The following ANKRD33B variants were observed in gnomAD, a reference collection of about 807,000 sequenced individuals.
ANKRD33B encodes the protein ankyrin repeat domain-containing protein 33B.
ANKRD33B carries 6 observed loss-of-function variants against 21.5 expected under a neutral mutation model. The ratio of observed to expected loss-of-function variants is 0.28; its 90% CI spans 0.15 to 0.55. ANKRD33B has a LOEUF of 0.55. Among genes scored for constraint, ANKRD33B ranks in the 20% least tolerant of loss-of-function variants. The probability of loss-of-function intolerance (pLI) is 0.94; values close to 1 mark genes in which losing one functional copy is unlikely to be tolerated. For synonymous variants in ANKRD33B, 347 were observed against 342.4 expected, an observed-to-expected ratio of 1.01 and a Z score of -0.15; for missense variants, 698 against 747.2, an observed-to-expected ratio of 0.93 and a Z score of 0.77.
chr5:10,636,693 G>A (rs1181943997), intron 2 of ANKRD33B, among the ~76,000 whole-genome samples: 1 of 152,212 alleles, frequency 6.6e-6, no homozygotes, highest in Non-Finnish European at 1.5e-5. Context: ...CGGGCAGATT[G>A]CTCATATTCC....
chr5:10,656,008 G>A lies in ANKRD33B; in HGVS notation c.*5895G>A, dbSNP rs1316341257. 1.3e-5 allele frequency: 2 copies of A among 152,214 alleles called. No homozygotes were observed. Among genetic ancestry groups the A allele is most frequent in the African/African-American group, 4.8e-5 (2 of 41,412 alleles). 9.4% of individuals were successfully genotyped at this position (152,214 alleles called of 1,614,324 possible). A position where few individuals can be genotyped will look rare whatever the true frequency, so the allele number is the denominator to read the frequency against. On this transcript the variant is annotated 3_prime_UTR_variant, in exon 4 of 4. Coordinates refer to ENST00000296657, the MANE Select transcript of ANKRD33B (RefSeq NM_001164440.2). ...CAGTGGGATGAATGCCATTGCAGCG[G>A]TCATGCTGGGAGCTGCCGAGAGCTT...
chr5:10,618,662 A>G (rs984885658), intron 2 of ANKRD33B, among the ~76,000 whole-genome samples, 200 bp downstream of exon 2: 1 of 152,216 alleles, frequency 6.6e-6, no homozygotes, highest in Non-Finnish European at 1.5e-5. Context: ...GTATGGGCAG[A>G]TCAAGCTCCG....
At chr5:10,601,759 A>G (rs889991508) in intron 1 of ANKRD33B, among the ~76,000 whole-genome samples, 2 of 152,212 alleles carry the variant, frequency 1.3e-5, no homozygotes, top group African/African-American at 4.8e-5. Flanking sequence ...AGTCACACAC[A>G]TTTTAAGTGT....
intron 3 of ANKRD33B, among the ~76,000 whole-genome samples, chr5:10,642,889 T>C (rs1053300939): frequency 2.0e-5 from 3 of 152,060 alleles, no homozygotes; most frequent in African/African-American, 7.2e-5. Context: ...GTTCTGTTTT[T>C]GTTTGTTTGT....
chr5:10,590,188 C>T (rs1449443307), intron 1 of ANKRD33B, among the ~76,000 whole-genome samples: 2 of 152,100 alleles, frequency 1.3e-5, no homozygotes, highest in Non-Finnish European at 2.9e-5. Context: ...ATTTCTGGAT[C>T]TTCTGGGGAT....
intron 1 of ANKRD33B, among the ~76,000 whole-genome samples, chr5:10,610,401 G>GC (rs200203509): frequency 0.036 from 5,334 of 146,324 alleles, 122 homozygotes; most frequent in Admixed American, 0.055. Context: ...ACAGGGGACA[G>GC]CCCCCCCCCC....
chr5:10,598,481 G>T (rs1195519700), intron 1 of ANKRD33B, among the ~76,000 whole-genome samples: 1 of 152,136 alleles, frequency 6.6e-6, no homozygotes, highest in Non-Finnish European at 1.5e-5. Flanking sequence ...TAGCCAGCCT[G>T]GTCTCGAACA....
chr5:10,580,787 G>C (rs917377216), intron 1 of ANKRD33B, among the ~76,000 whole-genome samples: 19 of 152,066 alleles, frequency 1.2e-4, no homozygotes, highest in Admixed American at 7.9e-4. Context: ...CTTGCCCCTG[G>C]ACCAGGTCTT....
intron 3 of ANKRD33B, among the ~76,000 whole-genome samples, chr5:10,643,765 A>AGC (rs895006131): frequency 2.0e-5 from 3 of 147,018 alleles, no homozygotes; most frequent in African/African-American, 7.5e-5. Flanking sequence ...GGTTGCAGTG[A>AGC]GCCGATATCA....
At position 10,619,596 on chromosome 5, in the gene ANKRD33B, A is replaced by T. The variant is rs1327324212; in HGVS notation, c.496+1134A>T. On this transcript the variant is annotated intron_variant, in intron 2 of 3. Transcript: ENST00000296657. This position sits in a 1 kb window ranked among gnomAD's most constrained non-coding sequence, Gnocchi z 4.5. The stretch of plus-strand genomic sequence containing the variant: ...TCAATCAAGACGAATAGAGTGGGGG[A>T]ACTCTTCAAACTTAGAAAGGGCCAG... Among the ~76,000 whole-genome samples the T allele has an allele frequency of 6.6e-6, 1 of 152,064 alleles. No individual in the cohort carries two copies. The highest frequency in any genetic ancestry group is 1.9e-4 in the East Asian group (1 of 5,182).
intron 2 of ANKRD33B, among the ~76,000 whole-genome samples, chr5:10,636,572 G>A (rs1180486848): frequency 2.6e-5 from 4 of 152,176 alleles, no homozygotes; most frequent in South Asian, 2.1e-4. Flanking sequence ...AGCTATGATC[G>A]TGCTCCTGCA....
At chr5:10,598,168 C>G (rs1735855659) in intron 1 of ANKRD33B, among the ~76,000 whole-genome samples, 2 of 152,208 alleles carry the variant, frequency 1.3e-5, no homozygotes, top group South Asian at 2.1e-4. Flanking sequence ...TCATCTCTAC[C>G]TAGTGACTCC....
At chr5:10,616,759 G>A (rs930240526) in intron 1 of ANKRD33B, among the ~76,000 whole-genome samples, 2 of 151,170 alleles carry the variant, frequency 1.3e-5, no homozygotes, top group Non-Finnish European at 3.0e-5. Context: ...GAGGCGGTGA[G>A]CCTCACACCT....
chr5:10,607,510 T>C (rs980389376), intron 1 of ANKRD33B, among the ~76,000 whole-genome samples: 3 of 152,178 alleles, frequency 2.0e-5, no homozygotes, highest in Admixed American at 6.5e-5. Context: ...GGAAATGCAA[T>C]TTTACCAAGA....
intron 1 of ANKRD33B, among the ~76,000 whole-genome samples, chr5:10,588,792 A>T (rs1252130675): frequency 3.9e-5 from 6 of 152,260 alleles, no homozygotes; most frequent in African/African-American, 1.4e-4. Context: ...TGGCATGAGC[A>T]GGAAGCAGAC....
intron 1 of ANKRD33B, among the ~76,000 whole-genome samples, chr5:10,570,466 C>T (rs1481540602): frequency 6.6e-6 from 1 of 152,164 alleles, no homozygotes; most frequent in African/African-American, 2.4e-5. Context: ...GGCAGGGTTC[C>T]AGGAGAGCAG....
chr5:10,644,878 T>G (rs1737158149), intron 3 of ANKRD33B, among the ~76,000 whole-genome samples: 1 of 151,430 alleles, frequency 6.6e-6, no homozygotes, highest in African/African-American at 2.4e-5. Flanking sequence ...GGAAGTGGAG[T>G]GAGGGGGCAG....
rs1183393812 is a variant in ANKRD33B at position 10,564,648 on chromosome 5, T to G, written c.181T>G (p.Phe61Val). 1 of 1,534,886 alleles carries G rather than the reference T, an allele frequency of 6.5e-7. No homozygotes were observed. The highest frequency in any genetic ancestry group is 2.4e-5 in the East Asian group (1 of 40,894). ...SIASDDSFYP[F>V]EDEEEHGVES... ...CGCCTCGGACGACTCTTTCTACCCT[T>G]TCGAGGACGAGGAGGAGCACGGCGT... The change falls in exon 1 of 4, where the codon TTC becomes GTC. Residue 61 changes from phenylalanine (F) to valine (V), a missense_variant. This residue lies in a region of ANKRD33B where 148 missense variants were observed against 154.9 expected (regional missense o/e 0.96). Transcript: ENST00000296657.
intron 1 of ANKRD33B, among the ~76,000 whole-genome samples, chr5:10,586,048 A>G (rs1037726020): frequency 5.9e-5 from 9 of 152,136 alleles, no homozygotes; most frequent in East Asian, 1.9e-4. Context: ...CCTGAATTCT[A>G]TGTTCTTGTG....
Sources: allele counts gnomAD v4.1 joint callset (sites outside exome capture counted in the v4.1 genomes callset), GRCh38; gene constraint gnomAD v4.1.1; regional missense constraint gnomAD v4.1.1; non-coding constraint Gnocchi (gnomAD v3.1); transcripts MANE v1.5; gene names NCBI Gene and HGNC (gene_info 2026-07-23, HGNC 2026-07-21).